The following SAMD8 variants were observed in gnomAD, a reference collection of about 807,000 sequenced individuals.
SAMD8 encodes the protein sterile alpha motif domain containing 8.
SAMD8 carries 20 observed loss-of-function variants against 42.0 expected under a neutral mutation model. The ratio of observed to expected loss-of-function variants is 0.48; its 90% CI spans 0.34 to 0.69. SAMD8 has a LOEUF of 0.69. Ranked by LOEUF, SAMD8 falls within the 30% of genes least tolerant of loss-of-function variation. The pLI, the probability that SAMD8 is intolerant of heterozygous loss-of-function variation, is 0.01. For synonymous variants in SAMD8, 162 were observed against 173.0 expected (o/e 0.94, Z 0.50); for missense variants, 328 against 511.6 (o/e 0.64, Z 3.46).
intron 2 of SAMD8, among the ~76,000 whole-genome samples, chr10:75,153,883 G>A (rs1328801437): frequency 6.6e-6 from 1 of 151,762 alleles, no homozygotes; most frequent in Non-Finnish European, 1.5e-5. Flanking sequence ...TCCTGCCTCA[G>A]CCTCCCAAGT....
chr10:75,105,911 GC>G, intron 1 of SAMD8: 1 of 1,526,544 alleles, frequency 6.6e-7, no homozygotes, highest in Non-Finnish European at 8.9e-7. Context: ...CCACACACCG[GC>G]CCACCCACGG....
At chr10:75,118,747 G>T (rs1356688499) in intron 1 of SAMD8, among the ~76,000 whole-genome samples, 1 of 152,200 alleles carries the variant, frequency 6.6e-6, no homozygotes, top group East Asian at 1.9e-4. Flanking sequence ...TTTTAAAATA[G>T]TATGGAAAAA....
intron 1 of SAMD8, among the ~76,000 whole-genome samples, chr10:75,141,538 CT>C (rs60925019): frequency 0.11 from 14,892 of 134,660 alleles, 809 homozygotes; most frequent in Middle Eastern, 0.21. Flanking sequence ...ATGCCTTTTA[CT>C]TTTTTTTTTT....
intron 1 of SAMD8, among the ~76,000 whole-genome samples, chr10:75,122,453 A>C (rs926754253): frequency 6.6e-6 from 1 of 151,962 alleles, no homozygotes; most frequent in Non-Finnish European, 1.5e-5. Flanking sequence ...CTCCAGAAAA[A>C]AAATAGAAAA....
chr10:75,119,472 T>G (rs1848956918), intron 1 of SAMD8, among the ~76,000 whole-genome samples: 1 of 152,220 alleles, frequency 6.6e-6, no homozygotes. Flanking sequence ...TAGCACATAT[T>G]GTATTTATGA....
At chr10:75,109,337 C>T, upstream of SAMD8, 2 of 559,182 alleles carry the variant, frequency 3.6e-6, no homozygotes, top group Non-Finnish European at 5.8e-6. Context: ...CCCCAAACTC[C>T]ATGAGAACAC....
chr10:75,144,166 C>T (rs1252809501), intron 1 of SAMD8, among the ~76,000 whole-genome samples: 2 of 148,572 alleles, frequency 1.3e-5, no homozygotes, highest in Middle Eastern at 3.4e-3. Context: ...ATGGGGTTTT[C>T]ACAGTGTTAG....
In SAMD8 at chr10:75,157,008, CATA is replaced by C. The variant is rs569495594; in HGVS notation, c.578+5905_578+5907del. On this transcript the variant is annotated intron_variant, in intron 2 of 5. Coordinates refer to ENST00000542569, the MANE Select transcript of SAMD8 (RefSeq NM_001174156.2). ...CTAGAGAAACAAAGGGGAGAAGTGTCATAATGTCTGCAACTTACTTCGGGGAGG... is the reference window on the plus strand; with the variant it reads ...CTAGAGAAACAAAGGGGAGAAGTGTCATGTCTGCAACTTACTTCGGGGAGG... Among the ~76,000 whole-genome samples, 101 of 152,036 alleles carry C rather than the reference CATA, an allele frequency of 6.6e-4. No homozygotes were observed. The East Asian group carries it at 0.019, about 29-fold the overall frequency.
intron 1 of SAMD8, among the ~76,000 whole-genome samples, chr10:75,142,717 G>A (rs1176959833): frequency 1.3e-5 from 2 of 152,098 alleles, no homozygotes; most frequent in Non-Finnish European, 2.9e-5. Flanking sequence ...TTACAGGCAT[G>A]AGCCACCACC....
chr10:75,115,865 C>T (rs994966419), intron 1 of SAMD8, among the ~76,000 whole-genome samples: 2 of 149,588 alleles, frequency 1.3e-5, no homozygotes, highest in Non-Finnish European at 3.0e-5. Flanking sequence ...GGCATGAACC[C>T]GAGAGGCGGA....
At chr10:75,159,807 C>G (rs542733807) in intron 2 of SAMD8, among the ~76,000 whole-genome samples, 2 of 152,310 alleles carry the variant, frequency 1.3e-5, no homozygotes, top group South Asian at 2.1e-4. Flanking sequence ...TGCTTTGCTT[C>G]CTTGCCTTCT....
intron 2 of SAMD8, 41 bp from the exon 3 acceptor site, chr10:75,164,604 T>G: frequency 1.3e-6 from 2 of 1,596,948 alleles, no homozygotes; most frequent in Non-Finnish European, 1.7e-6. Context: ...ATCATTCACA[T>G]GTATACTTCT....
intron 1 of SAMD8, among the ~76,000 whole-genome samples, chr10:75,124,126 T>TAAAC (rs1020180187): frequency 6.6e-6 from 1 of 152,084 alleles, no homozygotes; most frequent in Non-Finnish European, 1.5e-5. Flanking sequence ...TATGGCAAAA[T>TAAAC]AAACAAACAA....
chr10:75,107,212 GT>G (rs1278313337), upstream of SAMD8, among the ~76,000 whole-genome samples: 3 of 152,086 alleles, frequency 2.0e-5, no homozygotes, highest in Non-Finnish European at 4.4e-5. Flanking sequence ...GCGGATGCCT[GT>G]AGTCCCAGCT....
chr10:75,138,951 GTTTTTTCT>G (rs1463123725), intron 1 of SAMD8, among the ~76,000 whole-genome samples: 2 of 139,810 alleles, frequency 1.4e-5, no homozygotes, highest in African/African-American at 5.5e-5. Context: ...TGCTTAAGTG[GTTTTTTCT>G]TTTTTTTTTT....
intron 1 of SAMD8, among the ~76,000 whole-genome samples, chr10:75,143,393 T>C (rs1237745792): frequency 6.6e-6 from 1 of 152,248 alleles, no homozygotes; most frequent in African/African-American, 2.4e-5. Context: ...CATTTCTTTG[T>C]GTAGATTCAT....
chr10:75,115,901 A>G (rs1222431190), intron 1 of SAMD8, among the ~76,000 whole-genome samples: 1 of 148,486 alleles, frequency 6.7e-6, no homozygotes, highest in African/African-American at 2.5e-5. Context: ...AGATCACACC[A>G]CTGCACTCCA....
chr10:75,171,547 C>A (rs12219584), intron 4 of SAMD8, among the ~76,000 whole-genome samples: 37,936 of 152,002 alleles, frequency 0.25, 5,256 homozygotes, highest in East Asian at 0.59. Context: ...ATCTTTTTAA[C>A]AGTATTCCAT....
rs34505950 is a variant in SAMD8 at position 75,164,745 on chromosome 10, C to T, written c.674+5C>T. The T allele has an allele frequency of 8.2e-3, 13,075 of 1,589,666 alleles. 593 individuals carry two copies. In the Admixed American group the frequency reaches 0.13, roughly 16 times the overall value. ...TCTTCTTCTTCACAAGCACAGGTAC[C>T]TCATTACTCCATTAAATGACTGAAA... On this transcript the variant is annotated splice_donor_5th_base_variant and intron_variant, in intron 3 of 5. Coordinates refer to ENST00000542569, the MANE Select transcript of SAMD8 (RefSeq NM_001174156.2).
Sources: allele counts gnomAD v4.1 joint callset (sites outside exome capture counted in the v4.1 genomes callset), GRCh38; gene constraint gnomAD v4.1.1; transcripts MANE v1.5; gene names NCBI Gene and HGNC (gene_info 2026-07-23, HGNC 2026-07-21).